MGAT5: variants seen among roughly 807,000 people sequenced by gnomAD.
MGAT5 encodes the protein alpha-1,6-mannosylglycoprotein 6-beta-N-acetylglucosaminyltransferase.
In MGAT5, 30 loss-of-function variants were observed where a neutral mutation model predicts 94.3. That is an observed-to-expected ratio of 0.32 (90% confidence interval 0.24 to 0.43). MGAT5 has a LOEUF of 0.43. MGAT5 is among the 20% of genes least tolerant of loss of function. The pLI is 1.00. For synonymous variants in MGAT5, 310 were observed against 322.9 expected (o/e 0.96, Z 0.43); for missense variants, 691 against 905.5 (o/e 0.76, Z 3.04).
chr2:134,331,412 T>C (rs1687965481), intron 4 of MGAT5, among the ~76,000 whole-genome samples: 1 of 152,170 alleles, frequency 6.6e-6, no homozygotes, highest in South Asian at 2.1e-4. Flanking sequence ...CAGAGTTTGC[T>C]TTCCAATTGA....
chr2:134,140,435 T>G (rs1686606516), intron 1 of MGAT5, among the ~76,000 whole-genome samples: 1 of 152,190 alleles, frequency 6.6e-6, no homozygotes, highest in Admixed American at 6.5e-5. Context: ...CCCTGCCACT[T>G]TGTGAGCCTC....
upstream of MGAT5, among the ~76,000 whole-genome samples, chr2:134,249,823 T>A (rs1682488816): frequency 6.6e-6 from 1 of 152,270 alleles, no homozygotes; most frequent in Admixed American, 6.5e-5. Flanking sequence ...CATGTTTAAC[T>A]ATTTGAGGTA....
At position 134,139,450 on chromosome 2, in the gene MGAT5, T is replaced by G. The variant is rs1879021; in HGVS notation, c.-143+19159T>G. Among the ~76,000 whole-genome samples the G allele has an allele frequency of 0.022, 3,368 of 152,198 alleles. 273 individuals are homozygous for G. The East Asian group carries it at 0.25, about 11-fold the overall frequency. On this transcript the variant is annotated intron_variant, in intron 1 of 16. Transcript: ENST00000409645. ...ATAATCTTACTCTGAGATGTTAAGG[T>G]AAAAATCCCAGCCCTCAAATACACT...
At chr2:134,173,878 A>G (rs984468168) in intron 1 of MGAT5, among the ~76,000 whole-genome samples, 4 of 152,224 alleles carry the variant, frequency 2.6e-5, no homozygotes, top group African/African-American at 4.8e-5. Flanking sequence ...TGGCCTCTAC[A>G]CGCTTTCTCC....
At chr2:134,359,695 A>G (rs1413692924) in intron 9 of MGAT5, among the ~76,000 whole-genome samples, 1 of 152,210 alleles carries the variant, frequency 6.6e-6, no homozygotes, top group East Asian at 1.9e-4. Flanking sequence ...TTCCCTTCCT[A>G]AGGCAGAGCA....
At chr2:134,310,734 C>G (rs1304711740) in intron 2 of MGAT5, among the ~76,000 whole-genome samples, 1 of 152,154 alleles carries the variant, frequency 6.6e-6, no homozygotes, top group Admixed American at 6.5e-5. Context: ...GTAAAGCATT[C>G]CTAAATGAAT....
intron 10 of MGAT5, among the ~76,000 whole-genome samples, chr2:134,376,575 A>T (rs1681187404): frequency 6.6e-6 from 1 of 152,210 alleles, no homozygotes; most frequent in Non-Finnish European, 1.5e-5. Flanking sequence ...TTTGGACCAG[A>T]TACTCATTCC....
chr2:134,428,258 GCCGA>G lies in MGAT5; in HGVS notation c.1795-105_1795-102del. 1.1e-5 allele frequency: 11 copies of G among 970,300 alleles called. No homozygotes were observed. In the South Asian group the frequency reaches 1.6e-4, roughly 14 times the overall value. The allele number at this position is 970,300 out of a possible 1,614,324, so 60.1% of individuals were successfully genotyped here. ...CAAGTCCATAGTCAACCCTCATGAG[GCCGA>G]CTCCTGGTGTTAGCACCCGTGTATT... is the stretch of plus-strand genomic sequence containing the variant. On this transcript the variant is annotated intron_variant, in intron 13 of 15. Coordinates refer to ENST00000281923, the MANE Select transcript of MGAT5 (RefSeq NM_002410.5).
intron 8 of MGAT5, 124 bp downstream of exon 8, chr2:134,345,188 C>A: frequency 2.0e-6 from 2 of 987,402 alleles, no homozygotes; most frequent in Non-Finnish European, 2.9e-6. Flanking sequence ...GTTGCTCATT[C>A]GTAATTGAAA....
intron 1 of MGAT5, among the ~76,000 whole-genome samples, chr2:134,171,407 A>T (rs747903632): frequency 9.9e-5 from 15 of 152,184 alleles, no homozygotes; most frequent in Non-Finnish European, 2.9e-5. Flanking sequence ...GCTTTGGTTT[A>T]ATGCCTCCTG....
At chr2:134,432,063 A>C (rs1684911856) in intron 14 of MGAT5, among the ~76,000 whole-genome samples, 1 of 152,232 alleles carries the variant, frequency 6.6e-6, no homozygotes, top group South Asian at 2.1e-4. Context: ...ATCTAAGATC[A>C]AGCACTGTTG....
chr2:134,171,374 G>A lies in MGAT5; in HGVS notation c.-143+51083G>A, dbSNP rs1002526527. Among the ~76,000 whole-genome samples, 31 of 152,080 alleles carry A rather than the reference G, an allele frequency of 2.0e-4. 1 individual carries two copies. Among genetic ancestry groups the A allele is most frequent in the Non-Finnish European group, 7.4e-5 (5 of 68,020 alleles). ...TGTATATATTAATGTAGGCTAGTCC[G>A]GAAAGCATTAGGATTGGTAAGAGCT... On this transcript the variant is annotated intron_variant, in intron 1 of 16. Coordinates refer to the MGAT5 transcript ENST00000409645.
In MGAT5 at chr2:134,254,399, G is replaced by C; in HGVS notation, c.-5G>C. ...GCCAAGGACAGGTGAAGTTGCCAGA[G>C]AGCAATGGCTCTCTTCACTCCGTGG... On this transcript the variant is annotated 5_prime_UTR_variant, in exon 1 of 16. Coordinates refer to ENST00000281923, the MANE Select transcript of MGAT5 (RefSeq NM_002410.5). 6.2e-7 allele frequency: 1 copy of C among 1,614,094 alleles called. No individual in the cohort carries two copies. Among genetic ancestry groups the C allele is most frequent in the Non-Finnish European group, 8.5e-7 (1 of 1,179,990 alleles).
chr2:134,180,885 T>C (rs1457740517), intron 1 of MGAT5, among the ~76,000 whole-genome samples: 1 of 152,190 alleles, frequency 6.6e-6, no homozygotes, highest in Non-Finnish European at 1.5e-5. Flanking sequence ...TTTGTTTTTC[T>C]TTTCAAGGGG....
rs1246665654 is a variant in MGAT5 at position 134,268,271 on chromosome 2, C to A, written c.242-2115C>A. 6.6e-6 allele frequency among the ~76,000 whole-genome samples: 1 copy of A among 152,184 alleles called. No homozygotes were observed. Among genetic ancestry groups the A allele is most frequent in the Non-Finnish European group, 1.5e-5 (1 of 68,038 alleles). On this transcript the variant is annotated intron_variant, in intron 1 of 15. Coordinates refer to ENST00000281923, the MANE Select transcript of MGAT5 (RefSeq NM_002410.5). The surrounding 1 kb of genome is among the most constrained non-coding windows in gnomAD (Gnocchi z 4.1). ...GTTAAATGCTATTCTAGATTGTATT[C>A]GGATTCTAGCTGGCTGATGACACAG... is the stretch of plus-strand genomic sequence containing the variant.
At chr2:134,283,835 TTC>T (rs1002023551) in intron 2 of MGAT5, among the ~76,000 whole-genome samples, 8 of 151,522 alleles carry the variant, frequency 5.3e-5, no homozygotes, top group Non-Finnish European at 5.9e-5. Context: ...GGCCGCTGGG[TTC>T]TCTTTCTGTG....
chr2:134,299,194 A>G (rs1685872573), intron 2 of MGAT5, among the ~76,000 whole-genome samples: 1 of 152,198 alleles, frequency 6.6e-6, no homozygotes, highest in Non-Finnish European at 1.5e-5. Flanking sequence ...GCAGACTGAC[A>G]CATGGCCACT....
intron 1 of MGAT5, among the ~76,000 whole-genome samples, chr2:134,259,180 G>GTGT (rs1276577155): frequency 6.6e-6 from 1 of 152,224 alleles, no homozygotes; most frequent in African/African-American, 2.4e-5. Flanking sequence ...AGAGAGGAGT[G>GTGT]TGTTGGCTTT....
chr2:134,300,636 T>A (rs1685959442), intron 2 of MGAT5, among the ~76,000 whole-genome samples: 1 of 152,160 alleles, frequency 6.6e-6, no homozygotes, highest in Non-Finnish European at 1.5e-5. Flanking sequence ...TTTAGTTTTA[T>A]GCACTTTTGT....
Sources: allele counts gnomAD v4.1 joint callset (sites outside exome capture counted in the v4.1 genomes callset), GRCh38; gene constraint gnomAD v4.1.1; non-coding constraint Gnocchi (gnomAD v3.1); transcripts MANE v1.5; gene names NCBI Gene and HGNC (gene_info 2026-07-23, HGNC 2026-07-21).